Variants in ANKUB1 observed in about 807,000 individuals in gnomAD.
ANKUB1 encodes the protein protein ANKUB1.
In ANKUB1, 42 loss-of-function variants were observed where a neutral mutation model predicts 49.3. The ratio of observed to expected loss-of-function variants is 0.85; its 90% CI spans 0.67 to 1.10. The LOEUF (loss-of-function observed/expected upper bound fraction) is 1.10, where lower values mean the gene tolerates loss of function less well. ANKUB1 is among the 50% of genes least tolerant of loss of function. The probability of loss-of-function intolerance (pLI) is 0.00; values close to 1 mark genes in which losing one functional copy is unlikely to be tolerated. For missense variants in ANKUB1, 613 were observed against 642.0 expected (o/e 0.95, Z 0.49); for synonymous variants, 222 against 231.0 (o/e 0.96, Z 0.35).
chr3:149,784,827 C>G (rs987285838), intron 2 of ANKUB1, among the ~76,000 whole-genome samples: 1 of 152,128 alleles, frequency 6.6e-6, no homozygotes, highest in Admixed American at 6.5e-5. Flanking sequence ...ATCTCAGTAC[C>G]TTGCTATGAA....
chr3:149,772,186 T>C (rs925929029), intron 3 of ANKUB1, among the ~76,000 whole-genome samples: 8 of 152,030 alleles, frequency 5.3e-5, no homozygotes, highest in African/African-American at 1.9e-4. Context: ...CTCAGCTAAA[T>C]TTTTTTGTAT....
At chr3:149,780,086 A>G (rs1261969016) in intron 3 of ANKUB1, 153 bp downstream of exon 3, 3 of 677,644 alleles carry the variant, frequency 4.4e-6, no homozygotes, top group Non-Finnish European at 7.4e-6. Flanking sequence ...AACTATGTAA[A>G]TGTGTTAACT....
intron 2 of ANKUB1, among the ~76,000 whole-genome samples, chr3:149,786,988 G>T (rs531018211): frequency 6.6e-6 from 1 of 152,266 alleles, no homozygotes; most frequent in Non-Finnish European, 1.5e-5. Flanking sequence ...TTATAGTATA[G>T]TTTGAAGTCA....
chr3:149,784,051 ATG>A (rs1717980028), intron 2 of ANKUB1, among the ~76,000 whole-genome samples: 1 of 152,212 alleles, frequency 6.6e-6, no homozygotes, highest in African/African-American at 2.4e-5. Flanking sequence ...GAAAGCTAAA[ATG>A]TTTATCATTT....
At chr3:149,779,929 C>T (rs1717781650) in intron 3 of ANKUB1, 3 of 325,050 alleles carry the variant, frequency 9.2e-6, no homozygotes, top group African/African-American at 4.2e-5. Flanking sequence ...ATAATGCCTC[C>T]ATTTGTTCAG....
Position 149,761,606 on chromosome 3 carries a change from T to C in ANKUB1, c.1513A>G (p.Lys505Glu). 6.4e-7 allele frequency: 1 copy of C among 1,550,856 alleles called. No individual in the cohort carries two copies. The highest frequency in any genetic ancestry group is 8.7e-7 in the Non-Finnish European group (1 of 1,146,558). ...AACTGCTGAAGCCATCGTTTCTCTT[T>C]AAAGGCACTGCAAGAAAACAAGATA... The part of the protein sequence containing the change: ...IYCLAVASAF[K>E]EKRWLQQLEI... Residue 505 changes from lysine to glutamate, a missense_variant, in exon 6 of 6, where the codon AAA becomes GAA. Transcript: ENST00000446160.
At chr3:149,792,227 C>A (rs1188875954) in intron 1 of ANKUB1, 50 bp downstream of exon 1, 46 of 1,321,544 alleles carry the variant, frequency 3.5e-5, no homozygotes, top group Non-Finnish European at 4.7e-5. Flanking sequence ...AAATGCACTG[C>A]ATTGTTAAAA....
intron 2 of ANKUB1, among the ~76,000 whole-genome samples, chr3:149,788,045 G>A (rs1021212964): frequency 1.3e-5 from 2 of 152,166 alleles, no homozygotes; most frequent in African/African-American, 4.8e-5. Context: ...CTCCCTTACT[G>A]TGGCATCTTC....
intron 2 of ANKUB1, among the ~76,000 whole-genome samples, chr3:149,789,717 C>G (rs973487865): frequency 6.6e-6 from 1 of 151,800 alleles, no homozygotes; most frequent in African/African-American, 2.4e-5. Flanking sequence ...GCAACCTCCC[C>G]CTCCTGGGTT....
At chr3:149,790,536 G>A (rs1420954114) in intron 2 of ANKUB1, among the ~76,000 whole-genome samples, 1 of 152,154 alleles carries the variant, frequency 6.6e-6, no homozygotes, top group Non-Finnish European at 1.5e-5. Context: ...GACTGGGCAG[G>A]CAATAAAGGG....
chr3:149,761,673 A>C, intron 5 of ANKUB1, 60 bp from the exon 6 acceptor site: 1 of 1,497,944 alleles, frequency 6.7e-7, no homozygotes, highest in East Asian at 2.5e-5. Flanking sequence ...TACATAGCTG[A>C]AAAAGGATGG....
At chr3:149,768,306 A>G (rs1168062487) in intron 4 of ANKUB1, among the ~76,000 whole-genome samples, 3 of 152,216 alleles carry the variant, frequency 2.0e-5, no homozygotes, top group Non-Finnish European at 2.9e-5. Context: ...GCACGTGTAA[A>G]TAGTTTCCTT....
At chr3:149,777,212 G>A (rs899288021) in intron 3 of ANKUB1, among the ~76,000 whole-genome samples, 1 of 151,576 alleles carries the variant, frequency 6.6e-6, no homozygotes, top group Non-Finnish European at 1.5e-5. Context: ...GGTGGCTCAC[G>A]CCTGTAATCC....
Position 149,786,164 on chromosome 3 carries a change from T to C in ANKUB1, c.234+4617A>G, listed in dbSNP as rs571797401. On this transcript the variant is annotated intron_variant, in intron 2 of 5. Coordinates refer to ENST00000446160, the MANE Select transcript of ANKUB1 (RefSeq NM_001144960.3). Reference sequence around the variant, plus strand: ...CATTCTCCTGCCTCAGCCTCCCCGGTAGCTGGGACTACAGGCACCCGCCAA... The same window carrying C: ...CATTCTCCTGCCTCAGCCTCCCCGGCAGCTGGGACTACAGGCACCCGCCAA... Among the ~76,000 whole-genome samples, 5 of 152,286 alleles carry C rather than the reference T, an allele frequency of 3.3e-5. No individual in the cohort carries two copies. In the East Asian group the frequency reaches 9.7e-4, roughly 29 times the overall value.
chr3:149,780,579 A>G (rs1717818820), intron 2 of ANKUB1, 124 bp from the exon 3 acceptor site: 2 of 693,254 alleles, frequency 2.9e-6, no homozygotes, highest in Admixed American at 2.5e-5. Context: ...AGCAATAGTC[A>G]GTTGAGTTCT....
intron 5 of ANKUB1, among the ~76,000 whole-genome samples, chr3:149,765,566 A>C (rs1181128242): frequency 6.6e-6 from 1 of 152,078 alleles, no homozygotes; most frequent in Non-Finnish European, 1.5e-5. Context: ...ACACACACAC[A>C]CACCTTAAAA....
At chr3:149,777,381 G>A (rs546548175) in intron 3 of ANKUB1, among the ~76,000 whole-genome samples, 52 of 151,888 alleles carry the variant, frequency 3.4e-4, no homozygotes, top group African/African-American at 1.2e-3. Context: ...CTGAGGCAGG[G>A]GAATCGCTTG....
Position 149,790,880 on chromosome 3 carries a change from C to T in ANKUB1, c.135G>A (p.Arg45=), listed in dbSNP as rs1420454897. The change falls in exon 2 of 6, where the codon CGG becomes CGA. Residue 45 remains arginine, a synonymous_variant. Transcript: ENST00000446160. ...IPLSEDKQGR[R]YLELMYAGAA... ...CTCCAGCATACATTAACTCCAGATA[C>T]CGCCTGCCTTGTTTGTCTTCAGAGA... The T allele has an allele frequency of 6.4e-7, 1 of 1,552,004 alleles. No individual in the cohort carries two copies. Among genetic ancestry groups the T allele is most frequent in the African/African-American group, 1.4e-5 (1 of 73,034 alleles).
chr3:149,762,506 A>C (rs969572233), intron 5 of ANKUB1, among the ~76,000 whole-genome samples: 1 of 152,162 alleles, frequency 6.6e-6, no homozygotes, highest in African/African-American at 2.4e-5. Context: ...CCCCAGAAAT[A>C]TCTCTTGTAT....
Sources: allele counts gnomAD v4.1 joint callset (sites outside exome capture counted in the v4.1 genomes callset), GRCh38; gene constraint gnomAD v4.1.1; transcripts MANE v1.5; gene names NCBI Gene and HGNC (gene_info 2026-07-23, HGNC 2026-07-21).